TESK2: variants seen among roughly 807,000 people sequenced by gnomAD.
TESK2 encodes the protein testis associated actin remodelling kinase 2, also known as dual specificity testis-specific protein kinase 2.
Under a neutral mutation model 57.1 loss-of-function variants are expected in TESK2, and 39 were observed. The observed-to-expected ratio is 0.68, with a 90% CI of 0.53 to 0.89. The LOEUF (loss-of-function observed/expected upper bound fraction) is 0.89. TESK2 is among the 40% of genes least tolerant of loss of function. The pLI is 0.00. For missense variants in TESK2, 646 were observed against 732.1 expected, an observed-to-expected ratio of 0.88 and a Z score of 1.36; for synonymous variants, 249 against 267.9, an observed-to-expected ratio of 0.93 and a Z score of 0.69.
intron 3 of TESK2, among the ~76,000 whole-genome samples, chr1:45,416,352 T>C (rs921551864): frequency 6.6e-6 from 1 of 152,222 alleles, no homozygotes; most frequent in Middle Eastern, 3.4e-3. Flanking sequence ...TTGCCCAGGC[T>C]GGTCTTGAAC....
intron 3 of TESK2, among the ~76,000 whole-genome samples, chr1:45,413,591 T>C (rs1238147468): frequency 6.6e-6 from 1 of 152,194 alleles, no homozygotes; most frequent in Non-Finnish European, 1.5e-5. Context: ...CTTTCTTTCT[T>C]TCTTTCCTTC....
chr1:45,468,394 C>G (rs1652639686), intron 1 of TESK2, among the ~76,000 whole-genome samples: 1 of 152,062 alleles, frequency 6.6e-6, no homozygotes. Context: ...GGCGAGCAAA[C>G]TAAATGACTA....
chr1:45,359,889 T>C (rs1647603955), intron 4 of TESK2, among the ~76,000 whole-genome samples: 1 of 151,914 alleles, frequency 6.6e-6, no homozygotes, highest in Non-Finnish European at 1.5e-5. Flanking sequence ...AAATAAAATA[T>C]GTGAAAGCGC....
In TESK2 at chr1:45,344,835, C is replaced by T. The variant is rs1347542816; in HGVS notation, c.*5G>A. Reference sequence around the variant, plus strand: ...TCCCCAAGGTGAGGCAGGGACTAAACCCCCTCACCCATCCTGCTTTCCCTG... The same window carrying T: ...TCCCCAAGGTGAGGCAGGGACTAAATCCCCTCACCCATCCTGCTTTCCCTG... On this transcript the variant is annotated 3_prime_UTR_variant, in exon 11 of 11. Coordinates refer to ENST00000372086, the MANE Select transcript of TESK2 (RefSeq NM_007170.3). 1 of 1,609,106 alleles carries T rather than the reference C, an allele frequency of 6.2e-7. No homozygotes were observed. Among genetic ancestry groups the T allele is most frequent in the African/African-American group, 1.3e-5 (1 of 74,802 alleles).
At chr1:45,376,213 CTTTTTT>C (rs71052869) in intron 4 of TESK2, among the ~76,000 whole-genome samples, 4 of 80,680 alleles carry the variant, frequency 5.0e-5, no homozygotes, top group Non-Finnish European at 7.0e-5. Context: ...CTTTCTCTCT[CTTTTTT>C]TTTTTTTTTT....
Position 45,346,689 on chromosome 1 carries a change from T to C in TESK2, c.879+4A>G. The C allele has an allele frequency of 6.2e-7, 1 of 1,612,158 alleles. No individual in the cohort carries two copies. Among genetic ancestry groups the C allele is most frequent in the South Asian group, 1.1e-5 (1 of 90,500 alleles). Reference sequence around the variant, plus strand: ...ATGAAAGGCAGAGGGAGAAAGACACTCACGTTACAGCAGTTGAAAGTAAGT... The same window carrying C: ...ATGAAAGGCAGAGGGAGAAAGACACCCACGTTACAGCAGTTGAAAGTAAGT... On this transcript the variant is annotated splice_donor_region_variant and intron_variant, in intron 9 of 10. Transcript: ENST00000372086.
intron 1 of TESK2, among the ~76,000 whole-genome samples, chr1:45,480,039 C>T (rs992223987): frequency 6.7e-6 from 1 of 149,016 alleles, no homozygotes; most frequent in African/African-American, 2.5e-5. Context: ...GTCAGCTGGT[C>T]TCGAACTCCT....
intron 3 of TESK2, among the ~76,000 whole-genome samples, chr1:45,387,895 T>C (rs1431900541): frequency 6.6e-6 from 1 of 152,134 alleles, no homozygotes; most frequent in Non-Finnish European, 1.5e-5. Context: ...TAGTCCCAGC[T>C]ACTCAGGAGG....
rs867778701 is a variant in TESK2 at position 45,446,416 on chromosome 1, G to A, written c.222+11148C>T. Among the ~76,000 whole-genome samples the A allele has an allele frequency of 3.0e-4, 45 of 152,004 alleles. 1 individual carries two copies. In the Middle Eastern group the frequency reaches 0.034, roughly 115 times the overall value. On this transcript the variant is annotated intron_variant, in intron 2 of 10. Transcript: ENST00000372086. Reference sequence around the variant, plus strand: ...CTGGAAGCACCAGGGAGCTATGATCGTACTACTGCACTCCAGCCTGGGCAA... The same window carrying A: ...CTGGAAGCACCAGGGAGCTATGATCATACTACTGCACTCCAGCCTGGGCAA...
chr1:45,438,024 G>A (rs1168835098), intron 2 of TESK2, among the ~76,000 whole-genome samples: 1 of 152,178 alleles, frequency 6.6e-6, no homozygotes, highest in Admixed American at 6.5e-5. Flanking sequence ...CAATGACTCT[G>A]AAAACTGGTA....
At position 45,345,483 on chromosome 1, in the gene TESK2, G is replaced by C. The variant is rs1412130373; in HGVS notation, c.1073C>G (p.Pro358Arg). The C allele has an allele frequency of 1.2e-6, 2 of 1,614,110 alleles. No homozygotes were observed. The highest frequency in any genetic ancestry group is 1.1e-5 in the South Asian group (1 of 91,084). The stretch of plus-strand genomic sequence containing the variant: ...TCGAGACAGCCAGATGGTACGTCTT[G>C]GGCATGGTGACTTGTGGGGGATCTT... The part of the protein sequence containing the change: ...DDKIPHKSPC[P>R]RRTIWLSRSQ... The change falls in exon 11 of 11, where the codon CCA becomes CGA. Residue 358 changes from proline to arginine, a missense_variant. Transcript: ENST00000372086.
At chr1:45,485,523 A>ATT (rs71052884) in intron 1 of TESK2, among the ~76,000 whole-genome samples, 116 of 136,436 alleles carry the variant, frequency 8.5e-4, no homozygotes, top group South Asian at 2.1e-3. Context: ...TTTTTATTTT[A>ATT]TTTTTTTTTT....
intron 4 of TESK2, among the ~76,000 whole-genome samples, chr1:45,366,605 T>C (rs887411677): frequency 6.6e-6 from 1 of 152,154 alleles, no homozygotes; most frequent in African/African-American, 2.4e-5. Flanking sequence ...CTATAACATT[T>C]ATGGCAGGAA....
intron 5 of TESK2, among the ~76,000 whole-genome samples, chr1:45,348,577 C>A (rs535133354): frequency 6.6e-6 from 1 of 152,244 alleles, no homozygotes; most frequent in Non-Finnish European, 1.5e-5. Context: ...CCCCTATGCA[C>A]ATATCCTCAT....
chr1:45,475,898 T>C (rs1016429921), intron 1 of TESK2, among the ~76,000 whole-genome samples: 3 of 152,220 alleles, frequency 2.0e-5, no homozygotes, highest in African/African-American at 7.2e-5. Flanking sequence ...GCTTTTGGAC[T>C]CTTGGACTTA....
intron 2 of TESK2, among the ~76,000 whole-genome samples, chr1:45,429,288 T>C (rs994635722): frequency 2.6e-5 from 4 of 151,968 alleles, no homozygotes; most frequent in African/African-American, 9.7e-5. Flanking sequence ...CCCAGCTACC[T>C]GGGAGGCTGA....
chr1:45,347,909 G>T lies in TESK2; in HGVS notation c.623+9C>A, dbSNP rs758833010. The T allele has an allele frequency of 3.7e-6, 6 of 1,607,608 alleles. No homozygotes were observed. The highest frequency in any genetic ancestry group is 3.3e-5 in the Admixed American group (2 of 60,000). ...CCCTTGGACCCCAGCATCCAGTAGG[G>T]CTACACACCTGACATCGGGGATCTT... On this transcript the variant is annotated intron_variant, in intron 6 of 10. Transcript: ENST00000372086.
intron 5 of TESK2, among the ~76,000 whole-genome samples, chr1:45,352,530 G>A (rs1270989087): frequency 1.3e-5 from 2 of 152,168 alleles, no homozygotes; most frequent in Non-Finnish European, 2.9e-5. Context: ...AGGGAGTGGG[G>A]GCTTTCCTCG....
At chr1:45,455,404 C>T (rs1477254028) in intron 2 of TESK2, among the ~76,000 whole-genome samples, 3 of 152,182 alleles carry the variant, frequency 2.0e-5, no homozygotes, top group African/African-American at 7.2e-5. Flanking sequence ...AAACAATTGC[C>T]ACACTTCGGC....
Sources: allele counts gnomAD v4.1 joint callset (sites outside exome capture counted in the v4.1 genomes callset), GRCh38; gene constraint gnomAD v4.1.1; transcripts MANE v1.5; gene names NCBI Gene and HGNC (gene_info 2026-07-23, HGNC 2026-07-21).